The following CTDP1 variants were observed in gnomAD, a reference collection of about 807,000 sequenced individuals.
CTDP1 encodes the protein CTD phosphatase 1, also known as RNA polymerase II subunit A C-terminal domain phosphatase.
In CTDP1, 47 loss-of-function variants were observed where a neutral mutation model predicts 91.8. The observed-to-expected ratio is 0.51, with a 90% CI of 0.41 to 0.65. The LOEUF is 0.65. Among genes scored for constraint, CTDP1 ranks in the 30% least tolerant of loss-of-function variants. CTDP1 has a pLI of 0.00. For synonymous variants in CTDP1, 656 were observed against 598.5 expected (o/e 1.10, Z -1.40); for missense variants, 1,272 against 1,373.7 (o/e 0.93, Z 1.17).
rs113509302 is a variant in CTDP1, at chr18:79,682,007, A to G, written c.314+1746A>G. Reference sequence around the variant, plus strand: ...CCCGTGCAGTGGGCGTGGGTGCCATAGATCCAGGAAGGAGCGACTGGAAGG... The same window carrying G: ...CCCGTGCAGTGGGCGTGGGTGCCATGGATCCAGGAAGGAGCGACTGGAAGG... On this transcript the variant is annotated intron_variant, in intron 1 of 12. Transcript: ENST00000613122. Among the ~76,000 whole-genome samples the G allele has an allele frequency of 4.6e-3, 702 of 152,246 alleles. 8 individuals are homozygous for G. Among genetic ancestry groups the G allele is most frequent in the African/African-American group, 0.016 (667 of 41,542 alleles).
Position 79,692,285 on chromosome 18 carries a change from G to A in CTDP1, c.315-2940G>A, listed in dbSNP as rs1017207823. Among the ~76,000 whole-genome samples the A allele has an allele frequency of 9.2e-5, 14 of 152,164 alleles. No homozygotes were observed. In the East Asian group the frequency reaches 2.5e-3, roughly 27 times the overall value. On this transcript the variant is annotated intron_variant, in intron 1 of 12. Transcript: ENST00000613122. ...ACTGGCTGGAAGGTGCCCCCCGCCC[G>A]CCATGGAGTTTTCTGGGCACCTTGG...
intron 4 of CTDP1, among the ~76,000 whole-genome samples, chr18:79,699,532 G>A (rs567386079): frequency 1.3e-5 from 2 of 151,954 alleles, no homozygotes; most frequent in East Asian, 3.9e-4. Flanking sequence ...CAAAGTGCTG[G>A]GATTACAGGC....
Position 79,736,237 on chromosome 18 carries a change from G to T in CTDP1, c.2581-118G>T, listed in dbSNP as rs368614048. 750 of 1,318,058 alleles carry T rather than the reference G, an allele frequency of 5.7e-4. 1 individual carries two copies. In the African/African-American group the frequency reaches 8.2e-3, roughly 14 times the overall value. The allele number at this position is 1,318,058 out of a possible 1,614,324, so 81.6% of individuals were successfully genotyped here. A position where few individuals can be genotyped will look rare whatever the true frequency, so the allele number is the denominator to read the frequency against. ...CCAGGGCTCAGGTAGAAAGCAGAGT[G>T]CTACCTCCAGCCCCCACCCTGCTGC... On this transcript the variant is annotated intron_variant, in intron 11 of 12. Coordinates refer to ENST00000613122, the MANE Select transcript of CTDP1 (RefSeq NM_004715.5).
chr18:79,692,498 C>A (rs904923598), intron 1 of CTDP1, among the ~76,000 whole-genome samples: 1 of 152,234 alleles, frequency 6.6e-6, no homozygotes, highest in African/African-American at 2.4e-5. Flanking sequence ...TACAAAAAAA[C>A]ACCTGTTTAT....
chr18:79,734,693 CTT>C (rs1195360694), intron 11 of CTDP1, among the ~76,000 whole-genome samples: 1 of 152,244 alleles, frequency 6.6e-6, no homozygotes, highest in Non-Finnish European at 1.5e-5. Context: ...GTTTTTCTCT[CTT>C]GACAAGGTAT....
chr18:79,720,490 A>G (rs1380896285), intron 10 of CTDP1, among the ~76,000 whole-genome samples: 2 of 145,944 alleles, frequency 1.4e-5, no homozygotes, highest in Non-Finnish European at 3.0e-5. Context: ...CCTCGTGATG[A>G]TGTCACCTCC....
intron 12 of CTDP1, among the ~76,000 whole-genome samples, chr18:79,736,933 C>T (rs1024138016): frequency 2.0e-5 from 3 of 151,926 alleles, no homozygotes; most frequent in Non-Finnish European, 4.4e-5. Context: ...TGCACGCAGG[C>T]ATGTACGGGG....
At position 79,728,800 on chromosome 18, in the gene CTDP1, G is replaced by C; in HGVS notation, c.2418-107G>C. ...CGTTTTTCATACGTGTTCCCTGTTGGGGTGTGTGAGTGTTTACCTAGTCCG... is the reference window on the plus strand; with the variant it reads ...CGTTTTTCATACGTGTTCCCTGTTGCGGTGTGTGAGTGTTTACCTAGTCCG... On this transcript the variant is annotated intron_variant, in intron 10 of 12. Transcript: ENST00000613122. 3 of 1,012,162 alleles carry C rather than the reference G, an allele frequency of 3.0e-6. No homozygotes were observed. In the Middle Eastern group the frequency reaches 6.9e-4, roughly 234 times the overall value. 62.7% of individuals were successfully genotyped at this position (1,012,162 alleles called of 1,614,324 possible).
At chr18:79,695,396 G>C (rs2085726345) in intron 2 of CTDP1, 88 bp downstream of exon 2, 20 of 1,231,212 alleles carry the variant, frequency 1.6e-5, no homozygotes, top group Non-Finnish European at 2.2e-5. Flanking sequence ...TGGGAACACA[G>C]TGAGGCCCTT....
At chr18:79,717,026 G>T (rs925298754) in intron 8 of CTDP1, among the ~76,000 whole-genome samples, 1 of 150,594 alleles carries the variant, frequency 6.6e-6, no homozygotes, top group South Asian at 2.1e-4. Context: ...CCCTAGTGGG[G>T]TACAGCTGGG....
chr18:79,679,506 C>T (rs1296482979), upstream of CTDP1: 1 of 457,306 alleles, frequency 2.2e-6, no homozygotes, highest in Non-Finnish European at 4.4e-6. Context: ...CTGCGTTGAA[C>T]GCTGGGACTC....
rs2122783841 is a variant in CTDP1, at chr18:79,736,405, G to A, written c.2631G>A (p.Arg877=). The A allele has an allele frequency of 6.5e-7, 1 of 1,549,498 alleles. No individual in the cohort carries two copies. The highest frequency in any genetic ancestry group is 8.7e-7 in the Non-Finnish European group (1 of 1,146,986). ...GCGACGACAGCGACAGCGAGAAGAGGAGGCCTGAGGAGCAGGAGGAGGAGC... is the reference window on the plus strand; with the variant it reads ...GCGACGACAGCGACAGCGAGAAGAGAAGGCCTGAGGAGCAGGAGGAGGAGC... ...EGSDDSDSEK[R]RPEEQEEEPQ... Residue 877 remains arginine, a synonymous_variant, in exon 12 of 13, where the codon AGG becomes AGA. Transcript: ENST00000613122.
intron 4 of CTDP1, among the ~76,000 whole-genome samples, chr18:79,701,871 TAGG>T (rs2085866810): frequency 6.6e-6 from 1 of 152,146 alleles, no homozygotes; most frequent in Non-Finnish European, 1.5e-5. Flanking sequence ...GCGAGAGAAT[TAGG>T]AGTGGAGCCT....
intron 3 of CTDP1, among the ~76,000 whole-genome samples, chr18:79,696,478 G>A (rs889548325): frequency 6.6e-5 from 10 of 152,160 alleles, no homozygotes; most frequent in Non-Finnish European, 1.2e-4. Flanking sequence ...GGAGGGCAAA[G>A]CGCATATTGG....
chr18:79,694,175 A>AG, intron 1 of CTDP1, among the ~76,000 whole-genome samples: 1 of 150,632 alleles, frequency 6.6e-6, no homozygotes, highest in African/African-American at 2.5e-5. Flanking sequence ...GTGAGCACCT[A>AG]GGGGCGGGTG....
rs769276051 is a variant in CTDP1, at chr18:79,715,015, C to G, written c.1555C>G (p.Pro519Ala). Residue 519 changes from proline to alanine, a missense_variant, in exon 8 of 13, where the codon CCT (proline) becomes GCT (alanine). By Grantham distance (27) the Pro-to-Ala change is conservative (BLOSUM62 -1). Coordinates refer to ENST00000613122, the MANE Select transcript of CTDP1 (RefSeq NM_004715.5). ...AAPSLPGEAE[P>A]GAHAPDKEPE... ...ACCGAGTCTCCCCGGAGAGGCCGAG[C>G]CTGGCGCGCATGCCCCGGACAAGGA... The G allele has an allele frequency of 3.8e-6, 6 of 1,596,678 alleles. No individual in the cohort carries two copies. The highest frequency in any genetic ancestry group is 5.1e-6 in the Non-Finnish European group (6 of 1,172,926).
intron 11 of CTDP1, 83 bp downstream of exon 11, chr18:79,729,152 C>T: frequency 6.4e-7 from 1 of 1,570,468 alleles, no homozygotes; most frequent in Non-Finnish European, 8.7e-7. Flanking sequence ...GATTGCTGAG[C>T]TGTGCACCTG....
chr18:79,699,617 A>C (rs1199333525), intron 4 of CTDP1, among the ~76,000 whole-genome samples: 1 of 151,862 alleles, frequency 6.6e-6, no homozygotes, highest in East Asian at 1.9e-4. Context: ...TGAAGGATGT[A>C]AGGACTTTAT....
intron 3 of CTDP1, 49 bp from the exon 4 acceptor site, chr18:79,697,811 G>A (rs1228870968): frequency 4.3e-6 from 7 of 1,612,966 alleles, no homozygotes; most frequent in Non-Finnish European, 5.9e-6. Context: ...GTTTTACCTT[G>A]GATGCAAACA....
Sources: allele counts gnomAD v4.1 joint callset (sites outside exome capture counted in the v4.1 genomes callset), GRCh38; gene constraint gnomAD v4.1.1; transcripts MANE v1.5; gene names NCBI Gene and HGNC (gene_info 2026-07-23, HGNC 2026-07-21).